SDK1: variants seen among roughly 807,000 people sequenced by gnomAD.
The protein encoded by SDK1 is sidekick cell adhesion molecule 1.
A neutral mutation model predicts 245.5 loss-of-function variants in SDK1; 157 were observed. The ratio of observed to expected loss-of-function variants is 0.64; its 90% CI spans 0.56 to 0.73. SDK1 has a LOEUF of 0.73. Ranked by LOEUF, SDK1 falls within the 30% of genes least tolerant of loss-of-function variation. The pLI is 0.00. For missense variants in SDK1, 3,583 were observed against 3,002.3 expected (o/e 1.19, Z -4.52); for synonymous variants, 1,647 against 1,278.5 (o/e 1.29, Z -6.15).
chr7:3,419,508 G>A lies in SDK1; in HGVS notation c.298+117624G>A, dbSNP rs140601189. 6.7e-3 allele frequency among the ~76,000 whole-genome samples: 1,021 copies of A among 152,246 alleles called. 7 individuals are homozygous for A. Among genetic ancestry groups the A allele is most frequent in the Middle Eastern group, 0.01 (3 of 294 alleles). ...TTTCTCCCACCCGGCAGGTCCGCAG[G>A]GGGTTGCTGTTTCGAAAGTATTGAG... On this transcript the variant is annotated intron_variant, in intron 1 of 44. Coordinates refer to ENST00000404826, the MANE Select transcript of SDK1 (RefSeq NM_152744.4).
intron 1 of SDK1, among the ~76,000 whole-genome samples, chr7:3,428,980 G>A (rs1005616243): frequency 1.3e-5 from 2 of 152,214 alleles, no homozygotes; most frequent in East Asian, 1.9e-4. Context: ...AAGCTTCAGG[G>A]ATTCAGAAAT....
chr7:3,422,646 A>G (rs1779563946), intron 1 of SDK1, among the ~76,000 whole-genome samples: 1 of 152,092 alleles, frequency 6.6e-6, no homozygotes, highest in Admixed American at 6.6e-5. Context: ...GAAAACATCA[A>G]ATTATTTCTT....
At chr7:4,207,091 A>G (rs1197462565) in intron 36 of SDK1, among the ~76,000 whole-genome samples, 1 of 152,238 alleles carries the variant, frequency 6.6e-6, no homozygotes, top group Non-Finnish European at 1.5e-5. Flanking sequence ...TAGACGGTCA[A>G]TTCAGTGAGC....
chr7:4,204,234 TTA>T (rs1784064143), intron 35 of SDK1, among the ~76,000 whole-genome samples: 1 of 152,238 alleles, frequency 6.6e-6, no homozygotes, highest in African/African-American at 2.4e-5. Context: ...GACATTAACT[TTA>T]TTTATGTTTT....
At position 4,233,350 on chromosome 7, in the gene SDK1, G is replaced by A. The variant is rs749782769; in HGVS notation, c.5923G>A (p.Glu1975Lys). 1.9e-5 allele frequency: 30 copies of A among 1,613,748 alleles called. No individual in the cohort carries two copies. Among genetic ancestry groups the A allele is most frequent in the Middle Eastern group, 1.6e-4 (1 of 6,084 alleles). ...TAAGCTCCGGCAAGGAGTGACTTACGAGTTCCGGGTGGTGGCTGTGAATGA... is the reference window on the plus strand; with the variant it reads ...TAAGCTCCGGCAAGGAGTGACTTACAAGTTCCGGGTGGTGGCTGTGAATGA... The part of the protein sequence containing the change: ...LDKLRQGVTY[E>K]FRVVAVNEAG... The change falls in exon 41 of 45, where the codon GAG (glutamate) becomes AAG (lysine). Residue 1975 changes from glutamate to lysine, a missense_variant. Coordinates refer to ENST00000404826, the MANE Select transcript of SDK1 (RefSeq NM_152744.4).
At chr7:3,566,691 C>G (rs1449054607) in intron 1 of SDK1, among the ~76,000 whole-genome samples, 3 of 145,060 alleles carry the variant, frequency 2.1e-5, no homozygotes, top group African/African-American at 7.8e-5. Flanking sequence ...AACAGGAAAT[C>G]TTTGTCTAGA....
chr7:3,369,101 A>G (rs6943523), intron 1 of SDK1, among the ~76,000 whole-genome samples: 15,561 of 151,316 alleles, frequency 0.1, 1,023 homozygotes, highest in African/African-American at 0.18. Flanking sequence ...CTGGTGTGCA[A>G]TGGTGTGATA....
chr7:4,227,229 C>G (rs1348761645), intron 40 of SDK1: 5 of 344,804 alleles, frequency 1.5e-5, no homozygotes, highest in Admixed American at 1.1e-4. Context: ...TGCCATGGCT[C>G]TGATGGTGCC....
At chr7:3,825,563 A>T (rs368598887) in intron 5 of SDK1, among the ~76,000 whole-genome samples, 2 of 152,216 alleles carry the variant, frequency 1.3e-5, no homozygotes, top group East Asian at 3.9e-4. Flanking sequence ...TTCAAACAAC[A>T]TTTGCAGATA....
intron 29 of SDK1, among the ~76,000 whole-genome samples, chr7:4,148,175 G>C (rs685633): frequency 0.78 from 118,151 of 152,168 alleles, 46,331 homozygotes; most frequent in African/African-American, 0.9. Context: ...GAAATCACAA[G>C]GGCCAGAACG....
intron 1 of SDK1, among the ~76,000 whole-genome samples, chr7:3,615,430 G>A (rs1274101601): frequency 6.6e-6 from 1 of 151,680 alleles, no homozygotes; most frequent in Non-Finnish European, 1.5e-5. Flanking sequence ...GCAGAAGCAG[G>A]CAGAACTCTT....
At chr7:3,629,031 A>G (rs4719999) in intron 2 of SDK1, among the ~76,000 whole-genome samples, 37,812 of 151,688 alleles carry the variant, frequency 0.25, 5,672 homozygotes, top group Non-Finnish European at 0.34. Flanking sequence ...AGTGGCTCAC[A>G]CCTATAATCC....
intron 1 of SDK1, among the ~76,000 whole-genome samples, chr7:3,477,382 G>T (rs1781379694): frequency 6.6e-6 from 1 of 150,988 alleles, no homozygotes; most frequent in Non-Finnish European, 1.5e-5. Flanking sequence ...TTTTAGTAGA[G>T]ATGGGGTTTC....
At chr7:4,157,600 A>T (rs1780847143) in intron 30 of SDK1, among the ~76,000 whole-genome samples, 1 of 152,076 alleles carries the variant, frequency 6.6e-6, no homozygotes, top group African/African-American at 2.4e-5. Flanking sequence ...TCAGGAAAAC[A>T]TGAGTCCCGT....
At chr7:3,686,304 G>C (rs1784279457) in intron 4 of SDK1, among the ~76,000 whole-genome samples, 1 of 152,178 alleles carries the variant, frequency 6.6e-6, no homozygotes, top group Non-Finnish European at 1.5e-5. Flanking sequence ...TTGAACTCCT[G>C]ACCTCGGGTG....
chr7:4,267,229 C>T lies in SDK1; in HGVS notation c.*1845C>T, dbSNP rs1562498745. 1.8e-5 allele frequency: 16 copies of T among 867,318 alleles called. No homozygotes were observed. Among genetic ancestry groups the T allele is most frequent in the Non-Finnish European group, 2.8e-6 (2 of 722,874 alleles). The allele number at this position is 867,318 out of a possible 1,614,324, so 53.7% of individuals were successfully genotyped here. A position where few individuals can be genotyped will look rare whatever the true frequency, so the allele number is the denominator to read the frequency against. On this transcript the variant is annotated 3_prime_UTR_variant, in exon 45 of 45. Transcript: ENST00000404826. ...TTACCCCTCCTTTCCTTCCTTCCTC[C>T]CTTCCTCTCTTCTTTCCTCCCTCCC...
chr7:4,129,169 A>G (rs1379467796), intron 26 of SDK1, among the ~76,000 whole-genome samples: 2 of 134,556 alleles, frequency 1.5e-5, no homozygotes, highest in Non-Finnish European at 3.2e-5. Context: ...GCCCTGGAGG[A>G]GAGCACCTTG....
intron 4 of SDK1, among the ~76,000 whole-genome samples, chr7:3,757,068 A>C (rs931571634): frequency 6.6e-6 from 1 of 152,186 alleles, no homozygotes; most frequent in East Asian, 1.9e-4. Context: ...TCTGACACCA[A>C]CTGGGTGTCC....
At chr7:3,676,471 G>A (rs1253940058) in intron 4 of SDK1, among the ~76,000 whole-genome samples, 3 of 151,900 alleles carry the variant, frequency 2.0e-5, no homozygotes, top group Non-Finnish European at 4.4e-5. Flanking sequence ...GACTACAGGC[G>A]CCTGCCACCA....
Sources: gnomAD v4.1 joint callset for allele counts (sites outside exome capture counted in the v4.1 genomes callset) on GRCh38, gnomAD v4.1.1 for gene constraint, MANE v1.5 for transcripts, NCBI Gene and HGNC (gene_info 2026-07-23, HGNC 2026-07-21) for gene names.